Variants in MACROD2 observed in about 807,000 individuals in gnomAD.
The protein encoded by MACROD2 is mono-ADP ribosylhydrolase 2.
A neutral mutation model predicts 70.4 loss-of-function variants in MACROD2; 36 were observed. The ratio of observed to expected loss-of-function variants is 0.51; its 90% CI spans 0.39 to 0.68. MACROD2 has a LOEUF of 0.68. Among genes scored for constraint, MACROD2 ranks in the 30% least tolerant of loss-of-function variants. The probability of loss-of-function intolerance (pLI) is 0.00; values close to 1 mark genes in which losing one functional copy is unlikely to be tolerated. For synonymous variants in MACROD2, 172 were observed against 178.8 expected (o/e 0.96, Z 0.30); for missense variants, 496 against 538.4 (o/e 0.92, Z 0.78).
intron 5 of MACROD2, among the ~76,000 whole-genome samples, chr20:15,066,019 G>C (rs1394220726): frequency 1.3e-5 from 2 of 152,100 alleles, no homozygotes; most frequent in African/African-American, 4.8e-5. Context: ...GGCCCAGCTT[G>C]GGAGTATTCT....
intron 8 of MACROD2, among the ~76,000 whole-genome samples, chr20:15,800,385 C>T (rs2063713080): frequency 6.6e-6 from 1 of 152,136 alleles, no homozygotes; most frequent in African/African-American, 2.4e-5. Context: ...AGCATTTCCC[C>T]TATGTTTTCT....
chr20:14,828,076 C>A (rs1262306523), intron 5 of MACROD2, among the ~76,000 whole-genome samples: 1 of 151,870 alleles, frequency 6.6e-6, no homozygotes, highest in East Asian at 1.9e-4. Flanking sequence ...ATGATATATA[C>A]CAATTAAAGG....
At chr20:15,238,860 G>T (rs2077036392) in intron 6 of MACROD2, among the ~76,000 whole-genome samples, 1 of 152,088 alleles carries the variant, frequency 6.6e-6, no homozygotes, top group South Asian at 2.1e-4. Context: ...ATCATTATTG[G>T]TTTCTACAAC....
At chr20:15,208,843 T>C (rs1290499689) in intron 5 of MACROD2, among the ~76,000 whole-genome samples, 3 of 152,140 alleles carry the variant, frequency 2.0e-5, no homozygotes, top group Non-Finnish European at 4.4e-5. Flanking sequence ...TGTGGTCTGC[T>C]CTGACATTAT....
chr20:14,900,554 AT>A (rs200457054), intron 5 of MACROD2, among the ~76,000 whole-genome samples: 2 of 146,638 alleles, frequency 1.4e-5, no homozygotes, highest in African/African-American at 2.5e-5. Flanking sequence ...TCTTTCTGAG[AT>A]TTTTTTTAAA....
At chr20:15,143,495 G>A (rs1291134246) in intron 5 of MACROD2, among the ~76,000 whole-genome samples, 2 of 152,114 alleles carry the variant, frequency 1.3e-5, no homozygotes, top group Non-Finnish European at 2.9e-5. Context: ...TTCTTTTGCT[G>A]TGCAGAAGCT....
intron 5 of MACROD2, among the ~76,000 whole-genome samples, chr20:14,830,458 A>T (rs2072952117): frequency 1.3e-5 from 2 of 152,196 alleles, no homozygotes; most frequent in African/African-American, 2.4e-5. Context: ...AAATTTGAAT[A>T]TCATACTGAG....
intron 8 of MACROD2, among the ~76,000 whole-genome samples, chr20:15,566,391 G>A (rs140861839): frequency 0.023 from 3,552 of 151,392 alleles, 121 homozygotes; most frequent in African/African-American, 0.078. Flanking sequence ...CCAGCTACTC[G>A]GGAGGCTGAG....
Position 15,320,270 on chromosome 20 carries a change from T to C in MACROD2, c.540+90209T>C, listed in dbSNP as rs184916100. Among the ~76,000 whole-genome samples, 11 of 152,244 alleles carry C rather than the reference T, an allele frequency of 7.2e-5. No individual in the cohort carries two copies. The East Asian group carries it at 1.9e-3, about 27-fold the overall frequency. Reference sequence around the variant, plus strand: ...AGGAGGGGGAAATAGCTAATGAAATTATTACTTATTGAGTAAGGAATTCCC... The same window carrying C: ...AGGAGGGGGAAATAGCTAATGAAATCATTACTTATTGAGTAAGGAATTCCC... On this transcript the variant is annotated intron_variant, in intron 6 of 17. Transcript: ENST00000684519.
At chr20:14,018,012 G>T (rs1286088223) in intron 2 of MACROD2, among the ~76,000 whole-genome samples, 3 of 152,182 alleles carry the variant, frequency 2.0e-5, no homozygotes, top group Middle Eastern at 3.4e-3. Context: ...TTCTTTGTCA[G>T]TTTGGGTAGA....
chr20:14,757,793 C>A, intron 5 of MACROD2: 1 of 1,531,730 alleles, frequency 6.5e-7, no homozygotes, highest in Non-Finnish European at 9.0e-7. Flanking sequence ...TATCCAGTAT[C>A]TCCGTGATTA....
At chr20:15,788,880 G>T (rs1432918021) in intron 8 of MACROD2, among the ~76,000 whole-genome samples, 1 of 152,038 alleles carries the variant, frequency 6.6e-6, no homozygotes, top group Non-Finnish European at 1.5e-5. Flanking sequence ...TACCAACATT[G>T]TTTTTTTGTA....
At chr20:14,335,116 T>C (rs1455151051) in intron 3 of MACROD2, among the ~76,000 whole-genome samples, 1 of 152,146 alleles carries the variant, frequency 6.6e-6, no homozygotes, top group Non-Finnish European at 1.5e-5. Context: ...CTGTTCAAAA[T>C]AATCCAGAAA....
At chr20:14,677,382 C>T (rs144853830) in intron 4 of MACROD2, among the ~76,000 whole-genome samples, 3 of 152,306 alleles carry the variant, frequency 2.0e-5, no homozygotes, top group African/African-American at 7.2e-5. Context: ...CGCTCTCAGA[C>T]AGTGGAATTC....
intron 12 of MACROD2, among the ~76,000 whole-genome samples, chr20:15,945,476 A>G (rs1316108144): frequency 6.6e-6 from 1 of 152,232 alleles, no homozygotes; most frequent in Admixed American, 6.5e-5. Context: ...GCTGCAATAG[A>G]CATCTTTGCA....
intron 8 of MACROD2, among the ~76,000 whole-genome samples, chr20:15,847,280 C>A (rs1355529545): frequency 6.6e-6 from 1 of 152,124 alleles, no homozygotes; most frequent in African/African-American, 2.4e-5. Context: ...TTAGAGTGGA[C>A]TTTCGGCAGC....
At chr20:15,699,109 C>A (rs1432471205) in intron 8 of MACROD2, among the ~76,000 whole-genome samples, 1 of 152,130 alleles carries the variant, frequency 6.6e-6, no homozygotes, top group South Asian at 2.1e-4. Flanking sequence ...GGTTTGGATT[C>A]ATTGCTGGTG....
rs186448785 is a variant in MACROD2, at chr20:14,876,871, C to G, written c.418+191912C>G. On this transcript the variant is annotated intron_variant, in intron 5 of 17. Coordinates refer to ENST00000684519, the MANE Select transcript of MACROD2 (RefSeq NM_001351661.2). ...TGCTGTTTTGGTTACTGTGGTCTTACAATATACTTAAAAGTCAGGTAATGT... is the reference window on the plus strand; with the variant it reads ...TGCTGTTTTGGTTACTGTGGTCTTAGAATATACTTAAAAGTCAGGTAATGT... 2.0e-5 allele frequency among the ~76,000 whole-genome samples: 3 copies of G among 152,106 alleles called. No homozygotes were observed. In the East Asian group the frequency reaches 5.8e-4, roughly 29 times the overall value.
intron 8 of MACROD2, among the ~76,000 whole-genome samples, chr20:15,507,298 C>T (rs1184779241): frequency 1.3e-5 from 2 of 151,370 alleles, no homozygotes; most frequent in African/African-American, 4.9e-5. Flanking sequence ...GTCTCCCTCC[C>T]TCTTTCTTCC....
Sources: gnomAD v4.1 joint callset for allele counts (sites outside exome capture counted in the v4.1 genomes callset) on GRCh38, gnomAD v4.1.1 for gene constraint, MANE v1.5 for transcripts, NCBI Gene and HGNC (gene_info 2026-07-23, HGNC 2026-07-21) for gene names.